The following EXOG variants were observed in gnomAD, a reference collection of about 807,000 sequenced individuals.
EXOG encodes nuclease EXOG, mitochondrial.
EXOG carries 27 observed loss-of-function variants against 25.8 expected under a neutral mutation model. The observed-to-expected ratio is 1.05, with a 90% confidence interval of 0.77 to 1.45. The LOEUF is 1.45. EXOG is among the 40% of genes most tolerant of loss of function. EXOG has a pLI of 0.00. For missense variants in EXOG, 458 were observed against 450.5 expected (o/e 1.02, Z -0.15); for synonymous variants, 133 against 167.0 (o/e 0.80, Z 1.57).
At chr3:38,511,666 C>G (rs1336530974) in intron 5 of EXOG, among the ~76,000 whole-genome samples, 1 of 152,240 alleles carries the variant, frequency 6.6e-6, no homozygotes, top group East Asian at 1.9e-4. Context: ...CTTTATCTTG[C>G]AATAGTAGGA....
intron 1 of EXOG, 90 bp downstream of exon 1, chr3:38,496,620 G>A: frequency 2.0e-6 from 3 of 1,518,430 alleles, no homozygotes; most frequent in Non-Finnish European, 2.6e-6. Context: ...TTGACGGACA[G>A]CCTTCACCGT....
chr3:38,497,494 A>C, intron 1 of EXOG, 135 bp from the exon 2 acceptor site: 1 of 1,363,790 alleles, frequency 7.3e-7, no homozygotes, highest in East Asian at 2.8e-5. Flanking sequence ...CTGGTTGATT[A>C]GACTTCTGAG....
intron 5 of EXOG, 49 bp from the exon 6 acceptor site, chr3:38,523,852 G>C (rs779234177): frequency 3.5e-6 from 5 of 1,421,586 alleles, no homozygotes; most frequent in Non-Finnish European, 4.7e-6. Context: ...AAAAATTTGC[G>C]AACTGTTAGC....
In EXOG at chr3:38,523,977, C is replaced by G. The variant is rs1156354152; in HGVS notation, c.722C>G (p.Thr241Ser). 6.2e-7 allele frequency: 1 copy of G among 1,613,574 alleles called. No individual in the cohort carries two copies. The highest frequency in any genetic ancestry group is 8.5e-7 in the Non-Finnish European group (1 of 1,179,736). ...CTGGCCCGCAGAAGCTCAGTATCTA[C>G]CGAACCACTGGCGCTAGGGGCCTTT... ...VILARRSSVS[T>S]EPLALGAFVV... The change falls in exon 6 of 6, where the codon ACC becomes AGC. Residue 241 changes from threonine (T) to serine (S), a missense_variant. Thr to Ser is a moderately conservative substitution (Grantham distance 58). Transcript: ENST00000287675.
At chr3:38,508,413 T>C (rs191630870) in intron 5 of EXOG, among the ~76,000 whole-genome samples, 260 of 152,306 alleles carry the variant, frequency 1.7e-3, no homozygotes, top group Non-Finnish European at 3.1e-3. Context: ...TAGAAAAAGT[T>C]TAACATTTAA....
chr3:38,501,407 A>G lies in EXOG; in HGVS notation c.366A>G (p.Pro122=), dbSNP rs761112726. The change falls in exon 3 of 6, where the codon CCA becomes CCG. Residue 122 remains proline, a synonymous_variant. Transcript: ENST00000287675. ...TTAAGCCTGATCCCAATATCCCTCC[A>G]ACCTTCAGTGCCTTCAATGAAGATT... ...CKFKPDPNIP[P]TFSAFNEDYV... is the part of the protein sequence containing the mutation. The G allele has an allele frequency of 6.2e-7, 1 of 1,613,540 alleles. No individual in the cohort carries two copies. Among genetic ancestry groups the G allele is most frequent in the South Asian group, 1.1e-5 (1 of 91,068 alleles).
Position 38,497,786 on chromosome 3 carries a change from GT to G in EXOG, c.313+10del. ...CCAAAAGCAAGATAATGGGTAGGTG[GT>G]TGGATAAAAAAACTGAAGTAACAGT... On this transcript the variant is annotated intron_variant, in intron 2 of 5. Coordinates refer to ENST00000287675, the MANE Select transcript of EXOG (RefSeq NM_005107.4). The G allele has an allele frequency of 6.3e-7, 1 of 1,587,022 alleles. No homozygotes were observed. Among genetic ancestry groups the G allele is most frequent in the Non-Finnish European group, 8.5e-7 (1 of 1,172,932 alleles).
At chr3:38,506,411 T>A (rs183439298) in intron 4 of EXOG, among the ~76,000 whole-genome samples, 252 of 152,332 alleles carry the variant, frequency 1.7e-3, no homozygotes, top group Non-Finnish European at 2.7e-3. Context: ...GTAATTCTGG[T>A]CCTTGAAATT....
chr3:38,496,935 T>C, intron 1 of EXOG: 1 of 1,127,686 alleles, frequency 8.9e-7, no homozygotes, highest in South Asian at 1.6e-5. Context: ...ATTCAGTAAG[T>C]ATGAATGAAG....
At chr3:38,511,783 C>T (rs1356023030) in intron 5 of EXOG, among the ~76,000 whole-genome samples, 4 of 152,180 alleles carry the variant, frequency 2.6e-5, no homozygotes, top group African/African-American at 7.2e-5. Context: ...AATGACCTAA[C>T]TTCTTTAAAG....
chr3:38,523,246 A>C (rs544987286), intron 5 of EXOG: 5 of 1,287,694 alleles, frequency 3.9e-6, no homozygotes, highest in Non-Finnish European at 5.1e-6. Flanking sequence ...TATGAGATGA[A>C]GAGAAAATGA....
chr3:38,508,379 G>A (rs988456562), intron 5 of EXOG, among the ~76,000 whole-genome samples: 1 of 152,120 alleles, frequency 6.6e-6, no homozygotes, highest in Non-Finnish European at 1.5e-5. Flanking sequence ...TTACAAAGTG[G>A]TATACCTGAA....
At chr3:38,498,599 G>C (rs2059961312) in intron 2 of EXOG, among the ~76,000 whole-genome samples, 1 of 152,086 alleles carries the variant, frequency 6.6e-6, no homozygotes, top group Admixed American at 6.6e-5. Context: ...ACAAGAACCT[G>C]ATTTTGATTA....
At chr3:38,514,413 GA>G (rs2060469418) in intron 5 of EXOG, among the ~76,000 whole-genome samples, 1 of 152,202 alleles carries the variant, frequency 6.6e-6, no homozygotes, top group African/African-American at 2.4e-5. Context: ...GCTATGATGA[GA>G]TTATATAAGT....
intron 5 of EXOG, among the ~76,000 whole-genome samples, chr3:38,508,505 C>T (rs111601141): frequency 2.0e-5 from 3 of 152,020 alleles, no homozygotes; most frequent in Admixed American, 6.5e-5. Context: ...TTACAGAGGG[C>T]AGGGAACAGG....
Position 38,504,666 on chromosome 3 carries a change from C to T in EXOG, c.530+975C>T, listed in dbSNP as rs1238220993. Among the ~76,000 whole-genome samples, 8 of 152,202 alleles carry T rather than the reference C, an allele frequency of 5.3e-5. No individual in the cohort carries two copies. The East Asian group carries it at 7.8e-4, about 15-fold the overall frequency. On this transcript the variant is annotated intron_variant, in intron 4 of 5. Transcript: ENST00000287675. ...GGCCAGGCTAGTCTTGAACTCCTGA[C>T]CTCGTGATTTGCCCACCTTGGCCTC...
At chr3:38,519,503 A>G (rs960215477) in intron 5 of EXOG, 1 of 152,260 alleles carries the variant, frequency 6.6e-6, no homozygotes, top group East Asian at 1.9e-4. Context: ...GAAATTGAAA[A>G]TGCCCTCAGG....
chr3:38,519,451 C>T (rs4679063), intron 5 of EXOG: 5 of 152,270 alleles, frequency 3.3e-5, no homozygotes, highest in African/African-American at 9.6e-5. Flanking sequence ...TCTTTTATAA[C>T]AGCACTTTGC....
rs746556111 is a variant in EXOG at position 38,503,626 on chromosome 3, T to C, written c.465T>C (p.Ala155=). 6.3e-7 allele frequency: 1 copy of C among 1,599,070 alleles called. No individual in the cohort carries two copies. The highest frequency in any genetic ancestry group is 1.3e-5 in the African/African-American group (1 of 74,716). The change falls in exon 4 of 6, where the codon GCT becomes GCC. Residue 155 remains alanine, a synonymous_variant. Coordinates refer to ENST00000287675, the MANE Select transcript of EXOG (RefSeq NM_005107.4). ...TTCTTTCTTTACAGAAAGCCATGGCTGAAACCTTTTACCTTTCTAACATTG... is the reference window on the plus strand; with the variant it reads ...TTCTTTCTTTACAGAAAGCCATGGCCGAAACCTTTTACCTTTCTAACATTG... ...GNNKFSSKAM[A]ETFYLSNIVP...
Sources: gnomAD v4.1 joint callset for allele counts (sites outside exome capture counted in the v4.1 genomes callset) on GRCh38, gnomAD v4.1.1 for gene constraint, MANE v1.5 for transcripts, NCBI Gene and HGNC (gene_info 2026-07-23, HGNC 2026-07-21) for gene names.